The following TMEM156 variants were observed in gnomAD, a reference collection of about 807,000 sequenced individuals.
TMEM156 encodes transmembrane protein 156.
A neutral mutation model predicts 30.5 loss-of-function variants in TMEM156; 28 were observed. The observed-to-expected ratio is 0.92, with a 90% CI of 0.68 to 1.26. The LOEUF (loss-of-function observed/expected upper bound fraction) is 1.26. Among genes scored for constraint, TMEM156 ranks in the 50% most tolerant of loss-of-function variants. TMEM156 has a pLI of 0.00. For missense variants in TMEM156, 351 were observed against 340.6 expected (o/e 1.03, Z -0.24); for synonymous variants, 137 against 119.9 (o/e 1.14, Z -0.93).
intron 1 of TMEM156, among the ~76,000 whole-genome samples, chr4:39,021,946 C>T (rs182209483): frequency 2.0e-5 from 3 of 152,204 alleles, no homozygotes; most frequent in Admixed American, 6.5e-5. Flanking sequence ...TTTGAAGATC[C>T]GATTCTGCTG....
chr4:38,984,349 C>CTCTGTGTG (rs373013385), intron 5 of TMEM156, among the ~76,000 whole-genome samples: 2 of 131,016 alleles, frequency 1.5e-5, no homozygotes, highest in African/African-American at 5.4e-5. Context: ...CTCTCTCTCT[C>CTCTGTGTG]TGTGTGTGTG....
At chr4:39,032,090 G>T in intron 1 of TMEM156, 136 bp downstream of exon 1, 1 of 601,436 alleles carries the variant, frequency 1.7e-6, no homozygotes, top group South Asian at 2.1e-5. Context: ...TTGCAATCTT[G>T]TTTTATTAGT....
At position 38,988,893 on chromosome 4, in the gene TMEM156, G is replaced by A. The variant is rs370274406; in HGVS notation, c.697C>T (p.Arg233Cys). 72 of 1,613,762 alleles carry A rather than the reference G, an allele frequency of 4.5e-5. No individual in the cohort carries two copies. The highest frequency in any genetic ancestry group is 1.8e-4 in the Admixed American group (11 of 59,976). Residue 233 changes from arginine to cysteine, a missense_variant, in exon 4 of 7, where the codon CGC becomes TGC. Arg to Cys is a radical substitution (Grantham distance 180). Coordinates refer to ENST00000381938, the MANE Select transcript of TMEM156 (RefSeq NM_024943.3). ...VFIFLIILTI[R>C]KILEGQRRVQ... is the part of the protein sequence containing the mutation. The stretch of plus-strand genomic sequence containing the variant: ...CTTCTCTGGCCTTCAAGTATTTTGC[G>A]GATAGTGAGGATGATCAAAAATATA...
At chr4:38,990,835 T>TTTTTTTGTTTTGTTTTG (rs1712385439) in intron 3 of TMEM156, among the ~76,000 whole-genome samples, 8 of 126,266 alleles carry the variant, frequency 6.3e-5, no homozygotes, top group African/African-American at 1.2e-4. Context: ...TTCTGGTTTT[T>TTTTTTTGTTTTGTTTTG]TTTTTTTTTT....
chr4:38,976,424 C>T (rs1722855927), intron 5 of TMEM156, among the ~76,000 whole-genome samples: 1 of 152,106 alleles, frequency 6.6e-6, no homozygotes, highest in East Asian at 1.9e-4. Flanking sequence ...GATGCCAAGG[C>T]CCTCCGTACA....
intron 5 of TMEM156, chr4:38,980,834 G>A (rs765866414): frequency 3.9e-5 from 30 of 762,978 alleles, no homozygotes; most frequent in Non-Finnish European, 4.8e-5. Context: ...TTCAGGCAGG[G>A]ACAATCTATA....
At chr4:39,021,845 G>T (rs1383018401) in intron 1 of TMEM156, among the ~76,000 whole-genome samples, 1 of 152,038 alleles carries the variant, frequency 6.6e-6, no homozygotes, top group East Asian at 1.9e-4. Flanking sequence ...ATTCTTCTGT[G>T]CTTACTCATA....
At chr4:39,017,431 A>G (rs1714575502) in intron 1 of TMEM156, among the ~76,000 whole-genome samples, 1 of 151,844 alleles carries the variant, frequency 6.6e-6, no homozygotes, top group African/African-American at 2.4e-5. Context: ...CACCTGTCTC[A>G]GCCTCCCAAA....
chr4:39,031,510 T>C (rs1485697073), intron 1 of TMEM156, among the ~76,000 whole-genome samples: 1 of 152,196 alleles, frequency 6.6e-6, no homozygotes, highest in South Asian at 2.1e-4. Flanking sequence ...GAAATAGTTG[T>C]AGTAAAGGGA....
intron 1 of TMEM156, among the ~76,000 whole-genome samples, chr4:39,001,833 T>G (rs896823571): frequency 2.7e-5 from 4 of 149,230 alleles, no homozygotes; most frequent in Non-Finnish European, 6.0e-5. Context: ...TAACCATATG[T>G]AGAAAGCTGA....
At chr4:39,014,868 A>G (rs1714376417) in intron 1 of TMEM156, among the ~76,000 whole-genome samples, 1 of 152,092 alleles carries the variant, frequency 6.6e-6, no homozygotes, top group Non-Finnish European at 1.5e-5. Context: ...GAAAAAAATT[A>G]CATAAAATTA....
chr4:39,014,542 T>C (rs1034202912), intron 1 of TMEM156, among the ~76,000 whole-genome samples: 2 of 152,084 alleles, frequency 1.3e-5, no homozygotes, highest in Admixed American at 6.6e-5. Context: ...GCAGATCACT[T>C]GAGGTCAGGA....
intron 3 of TMEM156, 108 bp downstream of exon 3, chr4:38,993,630 G>A: frequency 1.1e-6 from 1 of 879,950 alleles, no homozygotes; most frequent in Non-Finnish European, 1.7e-6. Context: ...TATTTCATCA[G>A]TAAAATTCTT....
intron 5 of TMEM156, among the ~76,000 whole-genome samples, chr4:38,978,828 G>A (rs1422189840): frequency 6.6e-6 from 1 of 152,084 alleles, no homozygotes; most frequent in African/African-American, 2.4e-5. Flanking sequence ...TGTCACCTAG[G>A]CCGGAGTGCA....
At chr4:38,970,501 C>A (rs1031381777) in intron 6 of TMEM156, among the ~76,000 whole-genome samples, 4 of 152,008 alleles carry the variant, frequency 2.6e-5, no homozygotes, top group African/African-American at 9.7e-5. Context: ...TTTTATACCC[C>A]CTACAATGGC....
intron 1 of TMEM156, among the ~76,000 whole-genome samples, chr4:38,999,202 G>A (rs888661471): frequency 6.8e-6 from 1 of 147,292 alleles, no homozygotes; most frequent in East Asian, 2.0e-4. Flanking sequence ...CTGCAGCCTT[G>A]GCCTCCCAGG....
chr4:39,019,027 ACAAAAC>A (rs375311177), intron 1 of TMEM156, among the ~76,000 whole-genome samples: 1,394 of 78,498 alleles, frequency 0.018, 32 homozygotes, highest in African/African-American at 0.04. Flanking sequence ...TCTTAAAAAA[ACAAAAC>A]AAAAAAAAAA....
chr4:39,014,455 T>A (rs2435530), intron 1 of TMEM156, among the ~76,000 whole-genome samples: 1 of 151,932 alleles, frequency 6.6e-6, no homozygotes, highest in African/African-American at 2.4e-5. Context: ...TTTTGTCACA[T>A]CCCTATGCAA....
At chr4:38,974,556 CA>C (rs777512452) in intron 5 of TMEM156, among the ~76,000 whole-genome samples, 4 of 152,126 alleles carry the variant, frequency 2.6e-5, no homozygotes, top group Non-Finnish European at 4.4e-5. Flanking sequence ...GGACAATTAA[CA>C]CATTTTCTAT....
Sources: gnomAD v4.1 joint callset for allele counts (sites outside exome capture counted in the v4.1 genomes callset) on GRCh38, gnomAD v4.1.1 for gene constraint, MANE v1.5 for transcripts, NCBI Gene and HGNC (gene_info 2026-07-23, HGNC 2026-07-21) for gene names.